Variants in SULT1B1 observed in about 807,000 individuals in gnomAD.
SULT1B1 encodes sulfotransferase family 1B member 1.
Under a neutral mutation model 34.6 loss-of-function variants are expected in SULT1B1, and 28 were observed. That is an observed-to-expected ratio of 0.81 (90% CI 0.60 to 1.11). The LOEUF (loss-of-function observed/expected upper bound fraction) is 1.11. Among genes scored for constraint, SULT1B1 ranks in the 50% least tolerant of loss-of-function variants. The probability of loss-of-function intolerance (pLI) is 0.00; values close to 1 mark genes in which losing one functional copy is unlikely to be tolerated. For missense variants in SULT1B1, 374 were observed against 352.2 expected (o/e 1.06, Z -0.50); for synonymous variants, 147 against 110.2 (o/e 1.33, Z -2.09).
In SULT1B1 at chr4:69,726,860, T is replaced by C. The variant is rs1717849905; in HGVS notation, c.*228A>G. 7.7e-6 allele frequency: 3 copies of C among 390,958 alleles called. No individual in the cohort carries two copies. Among genetic ancestry groups the C allele is most frequent in the South Asian group, 9.9e-5 (2 of 20,110 alleles). 24.2% of individuals were successfully genotyped at this position (390,958 alleles called of 1,614,324 possible). ...GAAGAGCCTGTGGTTACATTGTTCC[T>C]TTGTTACAAAAAGTTAACAATGAAC... On this transcript the variant is annotated 3_prime_UTR_variant, in exon 8 of 8. Coordinates refer to ENST00000310613, the MANE Select transcript of SULT1B1 (RefSeq NM_014465.4).
intron 4 of SULT1B1, 26 bp from the exon 5 acceptor site, chr4:69,734,290 A>G (rs754703808): frequency 6.9e-6 from 11 of 1,596,574 alleles, no homozygotes; most frequent in Non-Finnish European, 8.5e-7. Flanking sequence ...GGGGTAGGAG[A>G]AAAAAATAAG....
intron 1 of SULT1B1, among the ~76,000 whole-genome samples, chr4:69,757,625 C>A (rs967176710): frequency 6.6e-6 from 1 of 151,986 alleles, no homozygotes; most frequent in South Asian, 2.1e-4. Flanking sequence ...GAAATTTGGG[C>A]AAATATTTTT....
chr4:69,742,593 C>A (rs1220287320), intron 4 of SULT1B1, among the ~76,000 whole-genome samples: 1 of 152,118 alleles, frequency 6.6e-6, no homozygotes, highest in Non-Finnish European at 1.5e-5. Flanking sequence ...GGTTTCAATC[C>A]TAGTGTTATG....
chr4:69,735,679 G>A (rs1434783746), intron 4 of SULT1B1, among the ~76,000 whole-genome samples: 4 of 152,152 alleles, frequency 2.6e-5, no homozygotes, highest in Non-Finnish European at 4.4e-5. Flanking sequence ...ATGTCCAGCA[G>A]CCCCAGAAAT....
At chr4:69,729,113 T>C (rs529983002) in intron 7 of SULT1B1, among the ~76,000 whole-genome samples, 36 of 152,202 alleles carry the variant, frequency 2.4e-4, no homozygotes, top group Non-Finnish European at 4.4e-4. Context: ...GGAAATTATA[T>C]TCACGTATCT....
At position 69,722,880 on chromosome 4, in the gene SULT1B1, A is replaced by T. The variant is rs1239880971; in HGVS notation, c.*4208T>A. 1 of 152,066 alleles carries T rather than the reference A, an allele frequency of 6.6e-6. No homozygotes were observed. Among genetic ancestry groups the T allele is most frequent in the African/African-American group, 2.4e-5 (1 of 41,398 alleles). 9.4% of individuals were successfully genotyped at this position (152,066 alleles called of 1,614,324 possible). ...ACCCCCACCCCTTTCAGAACAAGTA[A>T]GGGCCCAGGGTACTGTACCTTCAGC... On this transcript the variant is annotated 3_prime_UTR_variant, in exon 8 of 8. Transcript: ENST00000310613.
At chr4:69,727,613 T>A (rs1262435314) in intron 7 of SULT1B1, among the ~76,000 whole-genome samples, 2 of 152,058 alleles carry the variant, frequency 1.3e-5, no homozygotes, top group African/African-American at 4.8e-5. Flanking sequence ...GACAAAAAAT[T>A]AGTCATCAGC....
intron 6 of SULT1B1, among the ~76,000 whole-genome samples, chr4:69,731,471 G>A (rs1321830587): frequency 1.3e-5 from 2 of 152,174 alleles, no homozygotes; most frequent in Non-Finnish European, 2.9e-5. Context: ...TTAGTCTATA[G>A]ACCAGTAGAA....
intron 1 of SULT1B1, chr4:69,758,406 G>C: frequency 1.0e-6 from 1 of 985,182 alleles, no homozygotes. Context: ...TGTTAGACTT[G>C]ATTTCCACAT....
chr4:69,733,903 T>C (rs1208327941), intron 5 of SULT1B1, among the ~76,000 whole-genome samples: 1 of 152,184 alleles, frequency 6.6e-6, no homozygotes, highest in Non-Finnish European at 1.5e-5. Flanking sequence ...AATGGACTTC[T>C]AGCAACTGAG....
intron 7 of SULT1B1, among the ~76,000 whole-genome samples, chr4:69,728,589 A>G (rs1717931720): frequency 6.6e-6 from 1 of 151,890 alleles, no homozygotes; most frequent in South Asian, 2.1e-4. Context: ...GTTTTTCTAT[A>G]TGCAAATTAA....
chr4:69,737,326 C>T (rs551830430), intron 4 of SULT1B1, among the ~76,000 whole-genome samples: 3 of 152,084 alleles, frequency 2.0e-5, no homozygotes, highest in African/African-American at 7.2e-5. Flanking sequence ...TGCTAGCAGA[C>T]CTATCTTATG....
At chr4:69,748,712 T>C (rs1718849594) in intron 4 of SULT1B1, among the ~76,000 whole-genome samples, 1 of 152,124 alleles carries the variant, frequency 6.6e-6, no homozygotes, top group Non-Finnish European at 1.5e-5. Context: ...AATGAAAACA[T>C]AAAAATCCTC....
At chr4:69,732,725 C>T (rs1718130618) in intron 6 of SULT1B1, among the ~76,000 whole-genome samples, 1 of 150,164 alleles carries the variant, frequency 6.7e-6, no homozygotes, top group Non-Finnish European at 1.5e-5. Context: ...ATTAATACTA[C>T]TTCATACTAG....
In SULT1B1 at chr4:69,726,277, A is replaced by C. The variant is rs2110014841; in HGVS notation, c.*811T>G. The stretch of plus-strand genomic sequence containing the variant: ...ATTAAAGGTGCTATTAAGGTATCCA[A>C]ATCTATCCAAATATAAGATTAAGTA... On this transcript the variant is annotated 3_prime_UTR_variant, in exon 8 of 8. Coordinates refer to ENST00000310613, the MANE Select transcript of SULT1B1 (RefSeq NM_014465.4). 1 of 151,326 alleles carries C rather than the reference A, an allele frequency of 6.6e-6. No homozygotes were observed. Among genetic ancestry groups the C allele is most frequent in the East Asian group, 2.0e-4 (1 of 5,108 alleles). The allele number at this position is 151,326 out of a possible 1,614,324, so 9.4% of individuals were successfully genotyped here.
In SULT1B1 at chr4:69,723,608, T is replaced by C. The variant is rs940783251; in HGVS notation, c.*3480A>G. 2.0e-5 allele frequency: 3 copies of C among 152,164 alleles called. No individual in the cohort carries two copies. Among genetic ancestry groups the C allele is most frequent in the Non-Finnish European group, 4.4e-5 (3 of 68,052 alleles). 9.4% of individuals were successfully genotyped at this position (152,164 alleles called of 1,614,324 possible). A position where few individuals can be genotyped will look rare whatever the true frequency, so the allele number is the denominator to read the frequency against. On this transcript the variant is annotated 3_prime_UTR_variant, in exon 8 of 8. Transcript: ENST00000310613. ...TTTAGACCAATAACCCTGATGAACATTGATGCAAAAATCCTCAATAAAATA... is the reference window on the plus strand; with the variant it reads ...TTTAGACCAATAACCCTGATGAACACTGATGCAAAAATCCTCAATAAAATA...
In SULT1B1 at chr4:69,725,506, C is replaced by A. The variant is rs1457220950; in HGVS notation, c.*1582G>T. 1 of 152,172 alleles carries A rather than the reference C, an allele frequency of 6.6e-6. No homozygotes were observed. Among genetic ancestry groups the A allele is most frequent in the East Asian group, 1.9e-4 (1 of 5,200 alleles). The allele number at this position is 152,172 out of a possible 1,614,324, so 9.4% of individuals were successfully genotyped here. A position where few individuals can be genotyped will look rare whatever the true frequency, so the allele number is the denominator to read the frequency against. ...GAACTAGAAATACCATTTGACCCAG[C>A]CATCCCATTACTGGGTATATACCCA... On this transcript the variant is annotated 3_prime_UTR_variant, in exon 8 of 8. Coordinates refer to ENST00000310613, the MANE Select transcript of SULT1B1 (RefSeq NM_014465.4).
intron 3 of SULT1B1, among the ~76,000 whole-genome samples, chr4:69,751,128 C>T (rs1378099080): frequency 1.3e-5 from 2 of 152,166 alleles, no homozygotes; most frequent in Non-Finnish European, 2.9e-5. Flanking sequence ...TACTATACAA[C>T]TCCATCAGGG....
chr4:69,724,894 G>T lies in SULT1B1; in HGVS notation c.*2194C>A, dbSNP rs1336684529. On this transcript the variant is annotated 3_prime_UTR_variant, in exon 8 of 8. Coordinates refer to ENST00000310613, the MANE Select transcript of SULT1B1 (RefSeq NM_014465.4). ...TTCAAGATGGATTAAAGACTTAAAT[G>T]TAAGACCTAAAACCATAAAAACCCT... The T allele has an allele frequency of 2.6e-5, 4 of 152,088 alleles. No individual in the cohort carries two copies. Among genetic ancestry groups the T allele is most frequent in the African/African-American group, 9.7e-5 (4 of 41,394 alleles). 9.4% of individuals were successfully genotyped at this position (152,088 alleles called of 1,614,324 possible).
Sources: allele counts gnomAD v4.1 joint callset (sites outside exome capture counted in the v4.1 genomes callset), GRCh38; gene constraint gnomAD v4.1.1; transcripts MANE v1.5; gene names NCBI Gene and HGNC (gene_info 2026-07-23, HGNC 2026-07-21).